SND1: variants seen among roughly 807,000 people sequenced by gnomAD.
SND1 encodes the protein staphylococcal nuclease and tudor domain containing 1.
A neutral mutation model predicts 121.7 loss-of-function variants in SND1; 38 were observed. The ratio of observed to expected loss-of-function variants is 0.31; its 90% confidence interval spans 0.24 to 0.41. The LOEUF is 0.41. Among genes scored for constraint, SND1 ranks in the 10% least tolerant of loss-of-function variants. SND1 has a pLI of 1.00. For synonymous variants in SND1, 401 were observed against 447.4 expected, an observed-to-expected ratio of 0.90 and a Z score of 1.31; for missense variants, 868 against 1,184.6, an observed-to-expected ratio of 0.73 and a Z score of 3.92.
chr7:127,889,610 T>C (rs1256424701), intron 13 of SND1, among the ~76,000 whole-genome samples: 2 of 149,362 alleles, frequency 1.3e-5, no homozygotes, highest in Admixed American at 1.3e-4. Context: ...CTAGGTCTTA[T>C]TGATTCTTTC....
rs899574469 is a variant in SND1, at chr7:128,046,321, T to G, written c.1780-28181T>G. On this transcript the variant is annotated intron_variant, in intron 16 of 23. Coordinates refer to ENST00000354725, the MANE Select transcript of SND1 (RefSeq NM_014390.4). ...GCTATGTTGCCCATGCTGGGTTTTT[T>G]GGGGTTTTTTGTTTTTTTGGGTTTT... 4.0e-5 allele frequency among the ~76,000 whole-genome samples: 6 copies of G among 151,484 alleles called. No homozygotes were observed. The East Asian group carries it at 7.7e-4, about 19-fold the overall frequency.
chr7:127,660,042 G>GTT (rs746975443), intron 1 of SND1, among the ~76,000 whole-genome samples: 2 of 148,180 alleles, frequency 1.3e-5, no homozygotes, highest in African/African-American at 2.5e-5. Context: ...TTTAGTTTGA[G>GTT]AAAGAAGATT....
intron 10 of SND1, among the ~76,000 whole-genome samples, chr7:127,725,426 C>T (rs1220767872): frequency 2.0e-5 from 3 of 152,174 alleles, no homozygotes; most frequent in Non-Finnish European, 2.9e-5. Flanking sequence ...TCCCTTTGTC[C>T]GCTTTGCCAG....
At chr7:127,718,998 G>A (rs2116381696) in intron 9 of SND1, among the ~76,000 whole-genome samples, 1 of 152,192 alleles carries the variant, frequency 6.6e-6, no homozygotes, top group Non-Finnish European at 1.5e-5. Context: ...TCTATCCTTT[G>A]GGTATCTGTT....
At chr7:127,845,133 A>T (rs572739418) in intron 12 of SND1, among the ~76,000 whole-genome samples, 46 of 152,356 alleles carry the variant, frequency 3.0e-4, no homozygotes, top group African/African-American at 9.6e-4. Flanking sequence ...TTAAGTGGGC[A>T]TATTGATGGG....
intron 10 of SND1, among the ~76,000 whole-genome samples, chr7:127,733,998 G>A (rs998765614): frequency 4.0e-5 from 6 of 151,886 alleles, no homozygotes; most frequent in African/African-American, 1.5e-4. Context: ...CAATTGCCAG[G>A]TATCTCTACT....
chr7:127,751,577 ATAGCCT>A (rs201145084), intron 10 of SND1, among the ~76,000 whole-genome samples: 4,030 of 152,332 alleles, frequency 0.026, 82 homozygotes, highest in Admixed American at 0.042. Context: ...GTCTTAGGCT[ATAGCCT>A]TCATTTGGCC....
chr7:127,745,322 C>T (rs1437768164), intron 10 of SND1, among the ~76,000 whole-genome samples: 1 of 152,114 alleles, frequency 6.6e-6, no homozygotes, highest in Non-Finnish European at 1.5e-5. Context: ...TGTATCTAAA[C>T]ATAGAAAAGG....
chr7:127,825,584 T>C (rs1798629192), intron 11 of SND1, among the ~76,000 whole-genome samples: 1 of 151,832 alleles, frequency 6.6e-6, no homozygotes, highest in Non-Finnish European at 1.5e-5. Context: ...ATTTTTGTAC[T>C]TTAGTAGAGA....
At chr7:128,064,487 T>C (rs920296600) in intron 16 of SND1, among the ~76,000 whole-genome samples, 5 of 152,196 alleles carry the variant, frequency 3.3e-5, no homozygotes, top group Admixed American at 2.0e-4. Flanking sequence ...GGTGCGGACC[T>C]ACCTGTGGAG....
chr7:127,885,170 G>A (rs1799872165), intron 12 of SND1, among the ~76,000 whole-genome samples: 1 of 152,100 alleles, frequency 6.6e-6, no homozygotes, highest in African/African-American at 2.4e-5. Flanking sequence ...AGCAAGAAAA[G>A]CATGGCCCCT....
At chr7:127,772,781 A>G (rs2116500979) in intron 10 of SND1, among the ~76,000 whole-genome samples, 1 of 152,340 alleles carries the variant, frequency 6.6e-6, no homozygotes, top group East Asian at 1.9e-4. Context: ...TGAAACAGTG[A>G]CATTTGTTTG....
chr7:127,966,056 A>T (rs1461586727), intron 15 of SND1, among the ~76,000 whole-genome samples: 1 of 134,278 alleles, frequency 7.4e-6, no homozygotes, highest in Non-Finnish European at 1.6e-5. Context: ...AGGTGTTTGT[A>T]GTATTCTCTG....
chr7:127,795,584 C>G (rs1798001672), intron 10 of SND1, among the ~76,000 whole-genome samples: 1 of 152,062 alleles, frequency 6.6e-6, no homozygotes, highest in Admixed American at 6.5e-5. Context: ...TAATAATAGA[C>G]TGAGGGTGTG....
At chr7:127,761,092 T>C (rs1797297583) in intron 10 of SND1, among the ~76,000 whole-genome samples, 1 of 152,200 alleles carries the variant, frequency 6.6e-6, no homozygotes, top group Non-Finnish European at 1.5e-5. Flanking sequence ...CATCTCCATA[T>C]GGTTTTCTAG....
At chr7:127,996,079 T>G (rs1802649427) in intron 16 of SND1, among the ~76,000 whole-genome samples, 1 of 151,956 alleles carries the variant, frequency 6.6e-6, no homozygotes, top group African/African-American at 2.4e-5. Context: ...GAGCTCATTC[T>G]GCAGGCTGCA....
At position 128,033,264 on chromosome 7, in the gene SND1, T is replaced by G. The variant is rs1792684852; in HGVS notation, c.1780-41238T>G. Among the ~76,000 whole-genome samples, 7 of 152,186 alleles carry G rather than the reference T, an allele frequency of 4.6e-5. No homozygotes were observed. The South Asian group carries it at 1.5e-3, about 32-fold the overall frequency. ...GTAGGAGAAGGGGACTAGGTCAGCT[T>G]TTTCCCACCCCCCTGAAAAAAGACT... On this transcript the variant is annotated intron_variant, in intron 16 of 23. Coordinates refer to ENST00000354725, the MANE Select transcript of SND1 (RefSeq NM_014390.4).
chr7:128,000,493 A>C (rs570012072), intron 16 of SND1, among the ~76,000 whole-genome samples: 5 of 151,246 alleles, frequency 3.3e-5, no homozygotes, highest in Non-Finnish European at 7.4e-5. Flanking sequence ...TCAGCCTCTC[A>C]AGTAGGTAGG....
At chr7:127,993,294 AG>A (rs1802562368) in intron 16 of SND1, among the ~76,000 whole-genome samples, 1 of 152,186 alleles carries the variant, frequency 6.6e-6, no homozygotes, top group Non-Finnish European at 1.5e-5. Flanking sequence ...TTACCTATGT[AG>A]TACCTCCATT....
Sources: allele counts gnomAD v4.1 joint callset (sites outside exome capture counted in the v4.1 genomes callset), GRCh38; gene constraint gnomAD v4.1.1; transcripts MANE v1.5; gene names NCBI Gene and HGNC (gene_info 2026-07-23, HGNC 2026-07-21).